RNF135: variants seen among roughly 807,000 people sequenced by gnomAD.
The protein encoded by RNF135 is E3 ubiquitin-protein ligase RNF135.
A neutral mutation model predicts 41.9 loss-of-function variants in RNF135; 46 were observed. The observed-to-expected ratio is 1.10, with a 90% confidence interval of 0.87 to 1.40. RNF135 has a LOEUF of 1.40. RNF135 is among the 40% of genes most tolerant of loss of function. The pLI, the probability that RNF135 is intolerant of heterozygous loss-of-function variation, is 0.00. For synonymous variants in RNF135, 238 were observed against 223.8 expected (o/e 1.06, Z -0.57); for missense variants, 539 against 549.8 (o/e 0.98, Z 0.20).
the RNF135 span, among the ~76,000 whole-genome samples, chr17:30,960,046 G>C: frequency 1.3e-5 from 2 of 151,158 alleles, no homozygotes; most frequent in Non-Finnish European, 1.5e-5. Flanking sequence ...TTGTATTAGC[G>C]TTCTCCAGAG....
At chr17:30,979,518 G>A (rs866241323) in intron 1 of RNF135, among the ~76,000 whole-genome samples, 3 of 89,732 alleles carry the variant, frequency 3.3e-5, no homozygotes, top group Admixed American at 9.8e-5. Context: ...CCTCCCGGAC[G>A]GGGCAGCTGG....
At chr17:30,962,023 C>G in the RNF135 span, among the ~76,000 whole-genome samples, 1 of 152,126 alleles carries the variant, frequency 6.6e-6, no homozygotes, top group Non-Finnish European at 1.5e-5. Flanking sequence ...TTTTTGCTGT[C>G]TCATCCTTAA....
intron 3 of RNF135, 113 bp downstream of exon 3, chr17:30,988,219 C>A: frequency 3.9e-6 from 4 of 1,033,732 alleles, no homozygotes; most frequent in Non-Finnish European, 5.9e-6. Context: ...AGCTGTATTA[C>A]CACTGTGGTG....
chr17:30,993,766 C>A, intron 3 of RNF135: 1 of 956,682 alleles, frequency 1.0e-6, no homozygotes, highest in South Asian at 1.6e-5. Flanking sequence ...AATTTTTTTC[C>A]TTTCTTTTTC....
At chr17:30,991,472 A>G (rs1311238631) in intron 3 of RNF135, among the ~76,000 whole-genome samples, 1 of 146,080 alleles carries the variant, frequency 6.8e-6, no homozygotes, top group Non-Finnish European at 1.5e-5. Flanking sequence ...GTTGGAGTGC[A>G]GTGGCCCGAT....
chr17:30,981,050 T>G (rs2142696415), intron 1 of RNF135, among the ~76,000 whole-genome samples: 1 of 146,494 alleles, frequency 6.8e-6, no homozygotes, highest in South Asian at 2.2e-4. Context: ...ATCACGCCAC[T>G]GCACTCCAGC....
At chr17:30,969,625 G>A (rs1905716205), upstream of RNF135, among the ~76,000 whole-genome samples, 1 of 152,188 alleles carries the variant, frequency 6.6e-6, no homozygotes, top group Non-Finnish European at 1.5e-5. Context: ...GGTCAGGGAA[G>A]TGCCAGTCCT....
At position 30,971,385 on chromosome 17, in the gene RNF135, G is replaced by A. The variant is rs1905920597; in HGVS notation, c.312G>A (p.Pro104=). The A allele has an allele frequency of 2.6e-6, 4 of 1,525,458 alleles. No individual in the cohort carries two copies. Among genetic ancestry groups the A allele is most frequent in the Non-Finnish European group, 3.5e-6 (4 of 1,142,064 alleles). The allele number at this position is 1,525,458 out of a possible 1,614,324, so 94.5% of individuals were successfully genotyped here. A position where few individuals can be genotyped will look rare whatever the true frequency, so the allele number is the denominator to read the frequency against. The change falls in exon 1 of 5, where the codon CCG becomes CCA. Residue 104 remains proline, a synonymous_variant. Coordinates refer to ENST00000328381, the MANE Select transcript of RNF135 (RefSeq NM_032322.4). ...CCGACCCTGCCCACTGCCCCTGCCC[G>A]GGCTCCAGTTCCCTCTCCAGCGCGG... ...AGSDPAHCPC[P]GSSSLSSAAA...
chr17:30,983,310 C>CATATGTATATAT (rs1907289913), intron 1 of RNF135, among the ~76,000 whole-genome samples: 1 of 46,204 alleles, frequency 2.2e-5, no homozygotes, highest in South Asian at 9.9e-4. Flanking sequence ...ATTCTAATTA[C>CATATGTATATAT]ATATATGTAC....
At chr17:30,964,794 C>G in the RNF135 span, 2 of 151,932 alleles carry the variant, frequency 1.3e-5, no homozygotes, top group Admixed American at 1.3e-4. Context: ...AAGCCATTCT[C>G]CTCCTCAGCC....
chr17:30,985,020 G>A (rs1365925942), intron 2 of RNF135, among the ~76,000 whole-genome samples: 1 of 152,112 alleles, frequency 6.6e-6, no homozygotes, highest in Admixed American at 6.6e-5. Context: ...ACGTTCTGGT[G>A]CCTGTCTCTA....
the RNF135 span, chr17:30,965,542 A>C: frequency 6.6e-6 from 1 of 152,196 alleles, no homozygotes; most frequent in African/African-American, 2.4e-5. Flanking sequence ...TCTCTAAGTT[A>C]AAGTGTAATT....
In RNF135 at chr17:30,997,412, C is replaced by T. The variant is rs546240112; in HGVS notation, c.769+81C>T. 12 of 1,158,042 alleles carry T rather than the reference C, an allele frequency of 1.0e-5. No individual in the cohort carries two copies. In the South Asian group the frequency reaches 1.1e-4, roughly 11 times the overall value. 71.7% of individuals were successfully genotyped at this position (1,158,042 alleles called of 1,614,324 possible). On this transcript the variant is annotated intron_variant, in intron 4 of 4. Coordinates refer to ENST00000328381, the MANE Select transcript of RNF135 (RefSeq NM_032322.4). ...AGAATATCCTACATCCATCTCCCTA[C>T]TGCTAGGGCCACTCCTTGGCTTACT...
At chr17:30,998,232 A>T (rs184139565) in intron 4 of RNF135, among the ~76,000 whole-genome samples, 3 of 152,278 alleles carry the variant, frequency 2.0e-5, no homozygotes, top group African/African-American at 4.8e-5. Context: ...CCTGATTTTT[A>T]AAATTGACAT....
upstream of RNF135, among the ~76,000 whole-genome samples, chr17:30,968,057 G>A (rs916309830): frequency 3.3e-5 from 5 of 151,928 alleles, no homozygotes; most frequent in African/African-American, 7.2e-5. Flanking sequence ...ATCACCTGAG[G>A]TCAGGAGTTC....
chr17:30,990,100 C>A (rs948651103), intron 3 of RNF135, among the ~76,000 whole-genome samples: 1 of 151,656 alleles, frequency 6.6e-6, no homozygotes, highest in East Asian at 1.9e-4. Context: ...CAAAAATTAT[C>A]TGAGAAAGAA....
chr17:30,972,722 T>G (rs1408001381), intron 1 of RNF135: 2 of 152,266 alleles, frequency 1.3e-5, no homozygotes, highest in Non-Finnish European at 2.9e-5. Flanking sequence ...GTGTCAGAAC[T>G]TTATTCCTTT....
At chr17:30,993,100 G>T (rs995340213) in intron 3 of RNF135, among the ~76,000 whole-genome samples, 15 of 150,154 alleles carry the variant, frequency 1.0e-4, no homozygotes, top group African/African-American at 3.7e-4. Flanking sequence ...TCACTCTGTT[G>T]CCCAGGCTGG....
intron 2 of RNF135, among the ~76,000 whole-genome samples, chr17:30,986,740 T>C (rs1328766452): frequency 1.3e-5 from 2 of 152,194 alleles, no homozygotes; most frequent in East Asian, 3.8e-4. Context: ...ATCTGTAATA[T>C]AGAAATAATG....
Sources: allele counts gnomAD v4.1 joint callset (sites outside exome capture counted in the v4.1 genomes callset), GRCh38; gene constraint gnomAD v4.1.1; transcripts MANE v1.5; gene names NCBI Gene and HGNC (gene_info 2026-07-23, HGNC 2026-07-21).